The following STXBP5 variants were observed in gnomAD, a reference collection of about 807,000 sequenced individuals.
STXBP5 encodes syntaxin-binding protein 5.
A neutral mutation model predicts 152.4 loss-of-function variants in STXBP5; 50 were observed. The observed-to-expected ratio is 0.33, with a 90% CI of 0.26 to 0.42. The LOEUF (loss-of-function observed/expected upper bound fraction) is 0.42, where lower values mean the gene tolerates loss of function less well. Ranked by LOEUF, STXBP5 falls within the 10% of genes least tolerant of loss-of-function variation. The pLI, the probability that STXBP5 is intolerant of heterozygous loss-of-function variation, is 1.00. For missense variants in STXBP5, 1,167 were observed against 1,388.6 expected (o/e 0.84, Z 2.54); for synonymous variants, 492 against 494.7 (o/e 0.99, Z 0.07).
chr6:147,372,724 T>G (rs1785621763), intron 25 of STXBP5, among the ~76,000 whole-genome samples: 1 of 152,016 alleles, frequency 6.6e-6, no homozygotes, highest in African/African-American at 2.4e-5. Flanking sequence ...TGAGCCACCG[T>G]GCCCAGTCAC....
Position 147,327,129 on chromosome 6 carries a change from G to T in STXBP5, c.1933G>T (p.Val645Phe). 2 of 1,604,906 alleles carry T rather than the reference G, an allele frequency of 1.2e-6. No individual in the cohort carries two copies. The highest frequency in any genetic ancestry group is 1.3e-5 in the African/African-American group (1 of 74,422). Reference sequence around the variant, plus strand: ...TTGTTATTTTCCTATTCCCAGGGTGGTTTTTGGCAATTGCAATGGCATTGC... The same window carrying T: ...TTGTTATTTTCCTATTCCCAGGGTGTTTTTTGGCAATTGCAATGGCATTGC... ...LAVNSSYGLV[V>F]FGNCNGIAMV... Residue 645 changes from valine (V) to phenylalanine (F), a missense_variant, in exon 18 of 28, where the codon GTT (valine) becomes TTT (phenylalanine). Coordinates refer to ENST00000321680, the MANE Select transcript of STXBP5 (RefSeq NM_001127715.4).
chr6:147,352,457 A>C (rs1456551430), intron 21 of STXBP5, among the ~76,000 whole-genome samples: 2 of 152,172 alleles, frequency 1.3e-5, no homozygotes, highest in African/African-American at 2.4e-5. Flanking sequence ...CTAAGAATAC[A>C]AAAATTAGCT....
rs190908004 is a variant in STXBP5, at chr6:147,308,105, A to T, written c.918-1979A>T. 2.0e-5 allele frequency among the ~76,000 whole-genome samples: 3 copies of T among 152,332 alleles called. No homozygotes were observed. In the East Asian group the frequency reaches 5.8e-4, roughly 29 times the overall value. On this transcript the variant is annotated intron_variant, in intron 9 of 27. Transcript: ENST00000321680. ...CTGGCTCAAGTCTTCCATTCTAAAA[A>T]TTTAACAAGTGTTAGTTCCCCACTG...
chr6:147,348,639 C>G (rs1562261408), intron 21 of STXBP5, among the ~76,000 whole-genome samples: 1 of 152,160 alleles, frequency 6.6e-6, no homozygotes, highest in Non-Finnish European at 1.5e-5. Context: ...AAGCACACTT[C>G]AGAGCTCCTT....
Position 147,388,980 on chromosome 6 carries a change from G to A in STXBP5, c.*4225G>A, listed in dbSNP as rs1397322452. 2.6e-5 allele frequency: 4 copies of A among 151,394 alleles called. No individual in the cohort carries two copies. Among genetic ancestry groups the A allele is most frequent in the Non-Finnish European group, 5.9e-5 (4 of 67,606 alleles). 9.4% of individuals were successfully genotyped at this position (151,394 alleles called of 1,614,324 possible). ...GTTTGATACTTGATCAACATTCTTA[G>A]ACTTTTTAATCTGTATTTACTTTGG... On this transcript the variant is annotated 3_prime_UTR_variant, in exon 28 of 28. Coordinates refer to ENST00000321680, the MANE Select transcript of STXBP5 (RefSeq NM_001127715.4).
chr6:147,314,094 T>C lies in STXBP5; in HGVS notation c.1293+63T>C. 2.7e-6 allele frequency: 4 copies of C among 1,508,580 alleles called. No individual in the cohort carries two copies. The South Asian group carries it at 5.0e-5, about 19-fold the overall frequency. The allele number at this position is 1,508,580 out of a possible 1,614,324, so 93.4% of individuals were successfully genotyped here. On this transcript the variant is annotated intron_variant, in intron 12 of 27. Coordinates refer to ENST00000321680, the MANE Select transcript of STXBP5 (RefSeq NM_001127715.4). ...CTTATTTATTCTATATTTATCACCT[T>C]GGAGTATTTGATAACATTATACCTT...
chr6:147,375,946 A>G (rs974243247), intron 26 of STXBP5, among the ~76,000 whole-genome samples: 1 of 152,150 alleles, frequency 6.6e-6, no homozygotes, highest in East Asian at 1.9e-4. Context: ...ATTCTTTAAG[A>G]ATGAGACATT....
At chr6:147,351,161 AT>A (rs1191549328) in intron 21 of STXBP5, among the ~76,000 whole-genome samples, 3 of 152,236 alleles carry the variant, frequency 2.0e-5, no homozygotes. Context: ...GACCAGCAGC[AT>A]CAGCAGCTCC....
chr6:147,322,179 A>G (rs1473868980), intron 16 of STXBP5, among the ~76,000 whole-genome samples: 1 of 152,180 alleles, frequency 6.6e-6, no homozygotes, highest in Non-Finnish European at 1.5e-5. Flanking sequence ...TACCTAATTC[A>G]TAGAAGTAGA....
At chr6:147,206,411 T>G (rs1776563722) in intron 2 of STXBP5, among the ~76,000 whole-genome samples, 1 of 152,218 alleles carries the variant, frequency 6.6e-6, no homozygotes. Context: ...AGGATGAGGT[T>G]TAAAGACAAT....
Position 147,363,323 on chromosome 6 carries a change from T to C in STXBP5, c.2546-12T>C. On this transcript the variant is annotated splice_polypyrimidine_tract_variant and intron_variant, in intron 23 of 27. Coordinates refer to ENST00000321680, the MANE Select transcript of STXBP5 (RefSeq NM_001127715.4). ...AAATATTTCAGTTATTTACTAGACTTCTATATTTTAGGTACTATATTGAGG... is the reference window on the plus strand; with the variant it reads ...AAATATTTCAGTTATTTACTAGACTCCTATATTTTAGGTACTATATTGAGG... 6.5e-7 allele frequency: 1 copy of C among 1,548,546 alleles called. No individual in the cohort carries two copies. Among genetic ancestry groups the C allele is most frequent in the Non-Finnish European group, 8.7e-7 (1 of 1,153,332 alleles).
chr6:147,239,188 T>G lies in STXBP5; in HGVS notation c.349T>G (p.Leu117Val). 1 of 1,613,366 alleles carries G rather than the reference T, an allele frequency of 6.2e-7. No individual in the cohort carries two copies. The highest frequency in any genetic ancestry group is 8.5e-7 in the Non-Finnish European group (1 of 1,179,576). ...LINEGALVSA[L>V]ADDTLHLWNL... ...TTTTAAGGGAGCGCTTGTGAGTGCCTTGGCTGATGACACCTTACACTTATG... is the reference window on the plus strand; with the variant it reads ...TTTTAAGGGAGCGCTTGTGAGTGCCGTGGCTGATGACACCTTACACTTATG... Residue 117 changes from leucine to valine, a missense_variant, in exon 4 of 28, where the codon TTG becomes GTG. By Grantham distance (32) the Leu-to-Val change is conservative. Transcript: ENST00000321680.
intron 4 of STXBP5, among the ~76,000 whole-genome samples, chr6:147,258,663 G>A (rs1018081522): frequency 6.6e-6 from 1 of 152,106 alleles, no homozygotes; most frequent in Non-Finnish European, 1.5e-5. Flanking sequence ...TCGATCTCCT[G>A]ACCTCGTGAT....
intron 18 of STXBP5, chr6:147,328,759 A>G: frequency 2.1e-6 from 1 of 470,994 alleles, no homozygotes; most frequent in South Asian, 1.5e-5. Context: ...GAATCTATGA[A>G]AAAACTACGT....
intron 2 of STXBP5, 102 bp downstream of exon 2, chr6:147,206,170 G>A: frequency 1.0e-6 from 1 of 956,204 alleles, no homozygotes. Context: ...TCCTGTTGGT[G>A]TGATTAGATA....
intron 16 of STXBP5, among the ~76,000 whole-genome samples, chr6:147,321,657 T>C (rs1782941525): frequency 6.6e-6 from 1 of 152,236 alleles, no homozygotes; most frequent in Non-Finnish European, 1.5e-5. Context: ...TTATTTTTAT[T>C]GTCCCTTTGC....
chr6:147,344,586 G>A (rs12527235), intron 21 of STXBP5, among the ~76,000 whole-genome samples: 1 of 151,972 alleles, frequency 6.6e-6, no homozygotes, highest in African/African-American at 2.4e-5. Flanking sequence ...CTCATTGTAT[G>A]CCCACATGGG....
At chr6:147,274,217 A>G (rs1294054117) in intron 7 of STXBP5, among the ~76,000 whole-genome samples, 1 of 152,226 alleles carries the variant, frequency 6.6e-6, no homozygotes, top group Non-Finnish European at 1.5e-5. Flanking sequence ...CACATTTTCA[A>G]AATAATGGAA....
intron 22 of STXBP5, among the ~76,000 whole-genome samples, chr6:147,358,235 A>G (rs926965672): frequency 1.7e-4 from 26 of 152,170 alleles, no homozygotes; most frequent in Non-Finnish European, 1.0e-4. Flanking sequence ...TCCATCATAC[A>G]GTAAATTAGA....
Sources: gnomAD v4.1 joint callset for allele counts (sites outside exome capture counted in the v4.1 genomes callset) on GRCh38, gnomAD v4.1.1 for gene constraint, MANE v1.5 for transcripts, NCBI Gene and HGNC (gene_info 2026-07-23, HGNC 2026-07-21) for gene names.